The following CDH13 variants were observed in gnomAD, a reference collection of about 807,000 sequenced individuals.
CDH13 encodes cadherin 13, also known as cadherin-13.
A neutral mutation model predicts 63.8 loss-of-function variants in CDH13; 24 were observed. The ratio of observed to expected loss-of-function variants is 0.38; its 90% CI spans 0.27 to 0.53. The LOEUF is 0.53. Ranked by LOEUF, CDH13 falls within the 20% of genes least tolerant of loss-of-function variation. The pLI, the probability that CDH13 is intolerant of heterozygous loss-of-function variation, is 0.85. For missense variants in CDH13, 1,049 were observed against 903.1 expected (o/e 1.16, Z -2.07); for synonymous variants, 503 against 355.3 (o/e 1.42, Z -4.67).
intron 1 of CDH13, among the ~76,000 whole-genome samples, chr16:82,646,662 C>T (rs909955729): frequency 7.9e-5 from 12 of 152,122 alleles, no homozygotes; most frequent in Non-Finnish European, 1.5e-4. Context: ...TGCTTTCATT[C>T]AAACCTATGA....
At chr16:83,454,440 A>G (rs1029161343) in intron 6 of CDH13, among the ~76,000 whole-genome samples, 1 of 152,176 alleles carries the variant, frequency 6.6e-6, no homozygotes, top group Non-Finnish European at 1.5e-5. Context: ...TGACTTTGCT[A>G]CTTTGTCTTT....
rs1417243908 is a variant in CDH13 at position 83,168,269 on chromosome 16, A to G, written c.483+42768A>G. 2.0e-5 allele frequency among the ~76,000 whole-genome samples: 3 copies of G among 152,006 alleles called. 1 individual carries two copies. The highest frequency in any genetic ancestry group is 4.4e-5 in the Non-Finnish European group (3 of 67,984). On this transcript the variant is annotated intron_variant, in intron 4 of 13. Transcript: ENST00000567109. ...ATAAATGAACAAAAAAACCCCAAAG[A>G]GCTTAGCTAGGTGTTAAGTACCATC...
intron 5 of CDH13, among the ~76,000 whole-genome samples, chr16:83,304,989 G>A (rs1023450856): frequency 3.3e-5 from 5 of 152,202 alleles, no homozygotes; most frequent in Non-Finnish European, 7.3e-5. Flanking sequence ...CTCCAAGTAT[G>A]TGTAATTGCA....
chr16:83,355,800 C>T (rs2091040702), intron 6 of CDH13, among the ~76,000 whole-genome samples: 2 of 152,186 alleles, frequency 1.3e-5, no homozygotes, highest in African/African-American at 4.8e-5. Flanking sequence ...AACTGCTACA[C>T]AGGGGAGCAT....
At chr16:83,509,589 T>A (rs539054713) in intron 7 of CDH13, among the ~76,000 whole-genome samples, 3 of 151,824 alleles carry the variant, frequency 2.0e-5, no homozygotes, top group African/African-American at 4.8e-5. Context: ...ATTTAAAGAG[T>A]GGGAAGTAGA....
At chr16:82,875,038 A>C (rs1281016775) in intron 2 of CDH13, among the ~76,000 whole-genome samples, 3 of 152,238 alleles carry the variant, frequency 2.0e-5, no homozygotes, top group African/African-American at 7.2e-5. Context: ...ACACCTCCCA[A>C]ATAAAGGCCT....
At chr16:82,738,604 C>T (rs752296333) in intron 1 of CDH13, among the ~76,000 whole-genome samples, 42 of 152,228 alleles carry the variant, frequency 2.8e-4, no homozygotes, top group Non-Finnish European at 5.0e-4. Context: ...AACTAAACAG[C>T]ACTACCTACT....
rs144366360 is a variant in CDH13, at chr16:82,652,466, T to C, written c.45+25329T>C. ...TTCATCTGGTTTGAAGATAGACAGG[T>C]GGTTGCTGTCACTGCACCAGCAGCT... is the stretch of plus-strand genomic sequence containing the variant. On this transcript the variant is annotated intron_variant, in intron 1 of 13. Coordinates refer to ENST00000567109, the MANE Select transcript of CDH13 (RefSeq NM_001257.5). Among the ~76,000 whole-genome samples, 536 of 152,332 alleles carry C rather than the reference T, an allele frequency of 3.5e-3. 1 individual carries two copies. Among genetic ancestry groups the C allele is most frequent in the African/African-American group, 0.012 (512 of 41,580 alleles).
intron 6 of CDH13, among the ~76,000 whole-genome samples, chr16:83,393,355 A>G (rs2091824582): frequency 6.6e-6 from 1 of 152,186 alleles, no homozygotes; most frequent in African/African-American, 2.4e-5. Context: ...GACATTTCTG[A>G]GCATACATGC....
chr16:82,970,664 G>T (rs1268392796), intron 2 of CDH13, among the ~76,000 whole-genome samples: 1 of 117,350 alleles, frequency 8.5e-6, no homozygotes, highest in Non-Finnish European at 2.1e-5. Context: ...CTCCCAAAGT[G>T]CCAGTGCATA....
intron 6 of CDH13, among the ~76,000 whole-genome samples, chr16:83,462,976 T>A (rs1598078789): frequency 6.6e-6 from 1 of 152,134 alleles, no homozygotes; most frequent in East Asian, 1.9e-4. Flanking sequence ...TAGCTGAGAC[T>A]GATCACCCAA....
intron 1 of CDH13, among the ~76,000 whole-genome samples, chr16:82,673,051 A>T (rs1274671719): frequency 8.8e-6 from 1 of 113,388 alleles, no homozygotes; most frequent in Non-Finnish European, 1.7e-5. Flanking sequence ...TGTGTTGCCC[A>T]GGCTGGTCTC....
chr16:83,670,216 C>A (rs983530343), intron 8 of CDH13, among the ~76,000 whole-genome samples: 1 of 152,150 alleles, frequency 6.6e-6, no homozygotes, highest in East Asian at 1.9e-4. Context: ...GATCTGGGGT[C>A]AAATCCCAGT....
At chr16:83,740,977 C>A (rs568058782) in intron 10 of CDH13, among the ~76,000 whole-genome samples, 4 of 152,208 alleles carry the variant, frequency 2.6e-5, no homozygotes, top group African/African-American at 9.6e-5. Context: ...GAAAGTCAGG[C>A]AGGTCCAGAT....
chr16:82,642,350 C>T (rs991368314), intron 1 of CDH13, among the ~76,000 whole-genome samples: 6 of 152,108 alleles, frequency 3.9e-5, no homozygotes, highest in Admixed American at 1.3e-4. Flanking sequence ...GTACAGTAGG[C>T]GTGGTTTAGT....
chr16:83,714,744 C>T (rs1229816560), intron 10 of CDH13, among the ~76,000 whole-genome samples: 1 of 152,080 alleles, frequency 6.6e-6, no homozygotes, highest in East Asian at 1.9e-4. Context: ...GTTTGTTTTA[C>T]ATTTAGTAGC....
At chr16:83,055,062 A>G (rs1159273431) in intron 3 of CDH13, among the ~76,000 whole-genome samples, 1 of 152,086 alleles carries the variant, frequency 6.6e-6, no homozygotes, top group African/African-American at 2.4e-5. Flanking sequence ...ATATTTAGAA[A>G]CTATGCAATA....
chr16:83,289,118 C>T (rs1225881091), intron 5 of CDH13, among the ~76,000 whole-genome samples: 2 of 152,158 alleles, frequency 1.3e-5, no homozygotes, highest in African/African-American at 2.4e-5. Flanking sequence ...TGCTCCTGGC[C>T]TACAAGAACC....
chr16:83,472,586 C>T (rs760513083), intron 6 of CDH13, among the ~76,000 whole-genome samples: 1 of 152,178 alleles, frequency 6.6e-6, no homozygotes, highest in Non-Finnish European at 1.5e-5. Flanking sequence ...TAAGTTGTGT[C>T]CATTGGCCCT....
Sources: gnomAD v4.1 joint callset for allele counts (sites outside exome capture counted in the v4.1 genomes callset) on GRCh38, gnomAD v4.1.1 for gene constraint, MANE v1.5 for transcripts, NCBI Gene and HGNC (gene_info 2026-07-23, HGNC 2026-07-21) for gene names.